SCUBE1: variants seen among roughly 807,000 people sequenced by gnomAD.
SCUBE1 encodes signal peptide, CUB domain and EGF like domain containing 1, also known as signal peptide, CUB and EGF-like domain-containing protein 1.
Under a neutral mutation model 124.4 loss-of-function variants are expected in SCUBE1, and 59 were observed. That is an observed-to-expected ratio of 0.47 (90% CI 0.38 to 0.59). SCUBE1 has a LOEUF of 0.59. Ranked by LOEUF, SCUBE1 falls within the 20% of genes least tolerant of loss-of-function variation. The probability of loss-of-function intolerance (pLI) is 0.00; values close to 1 mark genes in which losing one functional copy is unlikely to be tolerated. For synonymous variants in SCUBE1, 545 were observed against 550.9 expected, an observed-to-expected ratio of 0.99 and a Z score of 0.15; for missense variants, 1,150 against 1,371.2, an observed-to-expected ratio of 0.84 and a Z score of 2.55.
chr22:43,204,748 C>T (rs1347925467), intron 21 of SCUBE1, among the ~76,000 whole-genome samples: 5 of 151,450 alleles, frequency 3.3e-5, no homozygotes, highest in Admixed American at 2.0e-4. Context: ...AGTTTGAGAC[C>T]AGGCTGATCA....
chr22:43,251,513 A>T (rs1923447568), intron 6 of SCUBE1, among the ~76,000 whole-genome samples: 1 of 152,328 alleles, frequency 6.6e-6, no homozygotes, highest in East Asian at 1.9e-4. Flanking sequence ...GCGTGATCAC[A>T]GGGGTCCTTG....
intron 19 of SCUBE1, among the ~76,000 whole-genome samples, 157 bp from the exon 20 acceptor site, chr22:43,208,381 T>G (rs1033668684): frequency 2.0e-5 from 3 of 152,164 alleles, no homozygotes; most frequent in African/African-American, 7.2e-5. Context: ...CCTCTGCCTC[T>G]GAGGCCCTTC....
chr22:43,228,195 G>C (rs2146675756), intron 9 of SCUBE1, among the ~76,000 whole-genome samples: 1 of 152,298 alleles, frequency 6.6e-6, no homozygotes, highest in Non-Finnish European at 1.5e-5. Flanking sequence ...TCACAGAAAA[G>C]GAAGAGAGAG....
At position 43,202,677 on chromosome 22, in the gene SCUBE1, G is replaced by T. The variant is rs1328493739; in HGVS notation, c.*1320C>A. 6.6e-6 allele frequency: 1 copy of T among 152,230 alleles called. No individual in the cohort carries two copies. The highest frequency in any genetic ancestry group is 1.5e-5 in the Non-Finnish European group (1 of 68,090). The allele number at this position is 152,230 out of a possible 1,614,324, so 9.4% of individuals were successfully genotyped here. A position where few individuals can be genotyped will look rare whatever the true frequency, so the allele number is the denominator to read the frequency against. ...TTCCCCTTCACCCTCCGCCATGATTGTAAGTTTCCTGAGGCCTCCCAAGCC... is the reference window on the plus strand; with the variant it reads ...TTCCCCTTCACCCTCCGCCATGATTTTAAGTTTCCTGAGGCCTCCCAAGCC... On this transcript the variant is annotated 3_prime_UTR_variant, in exon 22 of 22. Transcript: ENST00000360835.
intron 3 of SCUBE1, among the ~76,000 whole-genome samples, chr22:43,301,463 T>A (rs1347518455): frequency 6.6e-6 from 1 of 152,214 alleles, no homozygotes; most frequent in Non-Finnish European, 1.5e-5. Flanking sequence ...CCAGCTGTCC[T>A]GTTCCCATCT....
At position 43,324,249 on chromosome 22, in the gene SCUBE1, T is replaced by C. The variant is rs892684658; in HGVS notation, c.221-4184A>G. Among the ~76,000 whole-genome samples the C allele has an allele frequency of 2.0e-5, 3 of 152,216 alleles. No homozygotes were observed. The East Asian group carries it at 5.8e-4, about 29-fold the overall frequency. On this transcript the variant is annotated intron_variant, in intron 2 of 21. Transcript: ENST00000360835. Reference sequence around the variant, plus strand: ...ATACCCATAAGGCATTATAAAGATATCGTTGAATAGTCAATAAAACAACTC... The same window carrying C: ...ATACCCATAAGGCATTATAAAGATACCGTTGAATAGTCAATAAAACAACTC...
At chr22:43,291,471 C>CTACAGTGGTACAGTGG (rs71186577) in intron 3 of SCUBE1, among the ~76,000 whole-genome samples, 15 of 150,334 alleles carry the variant, frequency 1.0e-4, no homozygotes, top group East Asian at 5.9e-4. Context: ...TCGCGCTGTG[C>CTACAGTGGTACAGTGG]TACAGTGGTA....
chr22:43,217,555 G>C (rs1342477050), intron 15 of SCUBE1, among the ~76,000 whole-genome samples: 1 of 152,146 alleles, frequency 6.6e-6, no homozygotes, highest in East Asian at 1.9e-4. Flanking sequence ...ATGAGCCTGC[G>C]TCCTTGCTCT....
rs150525390 is a variant in SCUBE1 at position 43,226,480 on chromosome 22, G to T, written c.1207+894C>A. 5.4e-3 allele frequency among the ~76,000 whole-genome samples: 824 copies of T among 152,264 alleles called. 13 individuals carry two copies. Among genetic ancestry groups the T allele is most frequent in the African/African-American group, 0.019 (805 of 41,546 alleles). ...CACAGCCTCGGGCTGAGGGCTGGTG[G>T]AGGCCCTGCGAAGTCAGTGAGGCTG... On this transcript the variant is annotated intron_variant, in intron 10 of 21. Transcript: ENST00000360835.
At chr22:43,263,386 G>A (rs1569000934) in intron 4 of SCUBE1, among the ~76,000 whole-genome samples, 1 of 152,228 alleles carries the variant, frequency 6.6e-6, no homozygotes, top group Admixed American at 6.5e-5. Context: ...AGAGGTTGTA[G>A]GTCACAAGTC....
chr22:43,261,235 A>G (rs1923859620), intron 5 of SCUBE1, among the ~76,000 whole-genome samples: 2 of 152,252 alleles, frequency 1.3e-5, no homozygotes, highest in Admixed American at 6.5e-5. Flanking sequence ...AAAGGAATCC[A>G]TCTGGTGTGG....
chr22:43,212,492 G>A lies in SCUBE1; in HGVS notation c.2154C>T (p.Phe718=). ...YQPEPGRTGC[F]PCGGGLLTKH... ...TGGTGAGCAAACCCCCTCCACAGGG[G>A]AAGCAGCCGGTGCGCCCGGGCTCAG... The change falls in exon 17 of 22, where the codon TTC becomes TTT. Residue 718 remains phenylalanine, a synonymous_variant. Transcript: ENST00000360835. 1 of 1,555,390 alleles carries A rather than the reference G, an allele frequency of 6.4e-7. No homozygotes were observed. The highest frequency in any genetic ancestry group is 8.7e-7 in the Non-Finnish European group (1 of 1,149,594).
intron 3 of SCUBE1, among the ~76,000 whole-genome samples, chr22:43,293,233 C>CTGTG (rs895268886): frequency 3.0e-4 from 45 of 152,364 alleles, no homozygotes; most frequent in African/African-American, 9.9e-4. Context: ...AAGCAAACAT[C>CTGTG]TGTGAGTGTT....
intron 14 of SCUBE1, among the ~76,000 whole-genome samples, chr22:43,219,559 T>C (rs1220011841): frequency 4.0e-5 from 6 of 151,456 alleles, no homozygotes; most frequent in South Asian, 2.1e-4. Context: ...CTGCAATCTC[T>C]GCCTCCCAGG....
intron 12 of SCUBE1, 112 bp downstream of exon 12, chr22:43,222,526 C>G (rs542127438): frequency 7.3e-6 from 6 of 819,600 alleles, no homozygotes; most frequent in East Asian, 2.7e-5. Context: ...GGAGCAGGGC[C>G]GAGAGCAGGA....
chr22:43,285,887 G>GTA (rs1382596696), intron 4 of SCUBE1, among the ~76,000 whole-genome samples: 10 of 152,248 alleles, frequency 6.6e-5, no homozygotes. Context: ...GTTTTGGCAT[G>GTA]TACTACCTTG....
At position 43,212,406 on chromosome 22, in the gene SCUBE1, G is replaced by A. The variant is rs944625526; in HGVS notation, c.2221+19C>T. The A allele has an allele frequency of 6.5e-6, 10 of 1,548,372 alleles. No homozygotes were observed. Among genetic ancestry groups the A allele is most frequent in the African/African-American group, 1.4e-5 (1 of 72,998 alleles). ...CTGCCTCTCGGGGTGGGCGGGCGTGGTGGGGAGGGCATGCTCACCTTTAGC... is the reference window on the plus strand; with the variant it reads ...CTGCCTCTCGGGGTGGGCGGGCGTGATGGGGAGGGCATGCTCACCTTTAGC... On this transcript the variant is annotated intron_variant, in intron 17 of 21. Transcript: ENST00000360835.
At chr22:43,278,309 G>A (rs138532308) in intron 4 of SCUBE1, among the ~76,000 whole-genome samples, 98 of 152,348 alleles carry the variant, frequency 6.4e-4, no homozygotes, top group African/African-American at 2.2e-3. Context: ...CCTGCCTGGC[G>A]CCCTTGCCTG....
Position 43,223,116 on chromosome 22 carries a change from A to C in SCUBE1, c.1308T>G (p.Ala436=), listed in dbSNP as rs752090867. 6.4e-7 allele frequency: 1 copy of C among 1,551,692 alleles called. No individual in the cohort carries two copies. Among genetic ancestry groups the C allele is most frequent in the Admixed American group, 2.3e-5 (1 of 44,236 alleles). ...GGTTACCTGGCACGAAGAGTGTGTG[A>C]GCCGGGCAGGAAAGGAAGCAGCTCT... ...GVESCFLSCP[A]HTLFVPDSEN... The change falls in exon 11 of 22, where the codon GCT becomes GCG. Residue 436 remains alanine (A), a synonymous_variant. Transcript: ENST00000360835.
Sources: allele counts gnomAD v4.1 joint callset (sites outside exome capture counted in the v4.1 genomes callset), GRCh38; gene constraint gnomAD v4.1.1; transcripts MANE v1.5; gene names NCBI Gene and HGNC (gene_info 2026-07-23, HGNC 2026-07-21).